KCNJ12: variants seen among roughly 807,000 people sequenced by gnomAD.
KCNJ12 encodes the protein ATP-sensitive inward rectifier potassium channel 12.
In KCNJ12, 2 loss-of-function variants were observed where a neutral mutation model predicts 22.3. The ratio of observed to expected loss-of-function variants is 0.09; its 90% CI spans 0.04 to 0.28. KCNJ12 has a LOEUF of 0.28. KCNJ12 is among the 10% of genes least tolerant of loss of function. KCNJ12 has a pLI of 1.00. For missense variants in KCNJ12, 155 were observed against 633.3 expected (o/e 0.24, Z 8.11); for synonymous variants, 117 against 261.4 (o/e 0.45, Z 5.33).
At chr17:21,381,490 G>A (rs77190851) in intron 1 of KCNJ12, among the ~76,000 whole-genome samples, 3,419 of 151,898 alleles carry the variant, frequency 0.023, 73 homozygotes, top group South Asian at 0.076. Context: ...CCGGGGCCAC[G>A]CTCCTGCTTG....
chr17:21,386,535 G>T (rs1905076112), intron 1 of KCNJ12, among the ~76,000 whole-genome samples: 1 of 151,932 alleles, frequency 6.6e-6, no homozygotes. Flanking sequence ...TTGATATGGA[G>T]TCTCGCTCTG....
intron 1 of KCNJ12, among the ~76,000 whole-genome samples, chr17:21,396,031 G>T (rs1459570580): frequency 2.0e-5 from 3 of 152,190 alleles, no homozygotes; most frequent in African/African-American, 7.2e-5. Flanking sequence ...TTCTCGGCTG[G>T]GCCACAGCCC....
chr17:21,392,697 T>C (rs1019831648), intron 1 of KCNJ12, among the ~76,000 whole-genome samples: 3 of 152,178 alleles, frequency 2.0e-5, no homozygotes, highest in African/African-American at 7.2e-5. Flanking sequence ...ACTGGCTGTG[T>C]AGATGGGTTG....
intron 1 of KCNJ12, among the ~76,000 whole-genome samples, chr17:21,382,738 C>T (rs562666092): frequency 2.6e-5 from 4 of 152,130 alleles, no homozygotes; most frequent in Non-Finnish European, 4.4e-5. Context: ...TGGGCCTCAG[C>T]CAGGTGTGCC....
Position 21,416,645 on chromosome 17 carries a change from G to T in KCNJ12, c.*1G>T, listed in dbSNP as rs782296754. Reference sequence around the variant, plus strand: ...CTACAGACGGGAGTCAGAGATCTGAGCCAACCTTGGCCGACATGCAGCATC... The same window carrying T: ...CTACAGACGGGAGTCAGAGATCTGATCCAACCTTGGCCGACATGCAGCATC... On this transcript the variant is annotated 3_prime_UTR_variant, in exon 3 of 3. Transcript: ENST00000583088. The T allele has an allele frequency of 3.8e-6, 6 of 1,598,048 alleles. No individual in the cohort carries two copies. In the South Asian group the frequency reaches 6.8e-5, roughly 18 times the overall value.
At chr17:21,389,106 G>A (rs1459270837) in intron 1 of KCNJ12, among the ~76,000 whole-genome samples, 2 of 152,214 alleles carry the variant, frequency 1.3e-5, no homozygotes, top group Non-Finnish European at 2.9e-5. Context: ...CAGTTGTGCG[G>A]GGAGCTTGCC....
intron 1 of KCNJ12, among the ~76,000 whole-genome samples, chr17:21,381,461 C>T (rs563551324): frequency 1.3e-5 from 2 of 152,170 alleles, no homozygotes; most frequent in Admixed American, 6.5e-5. Context: ...GCCTCACTTC[C>T]AGGACTCTTG....
intron 2 of KCNJ12, among the ~76,000 whole-genome samples, chr17:21,414,222 C>G (rs1255366856): frequency 5.3e-5 from 8 of 152,274 alleles, no homozygotes; most frequent in Non-Finnish European, 1.0e-4. Context: ...CGCCTGTAAT[C>G]CCAGCACTTC....
intron 2 of KCNJ12, among the ~76,000 whole-genome samples, chr17:21,414,030 A>T (rs1299581777): frequency 1.3e-5 from 2 of 152,308 alleles, no homozygotes; most frequent in African/African-American, 2.4e-5. Flanking sequence ...CCTCTTTGGC[A>T]CTGCTGGTGA....
intron 2 of KCNJ12, among the ~76,000 whole-genome samples, chr17:21,409,198 G>C (rs1250912904): frequency 6.6e-6 from 1 of 152,306 alleles, no homozygotes; most frequent in African/African-American, 2.4e-5. Context: ...GGCCTGAACG[G>C]GAAAAGCCCA....
intron 1 of KCNJ12, among the ~76,000 whole-genome samples, chr17:21,395,789 C>T (rs1354201440): frequency 6.6e-6 from 1 of 152,142 alleles, no homozygotes; most frequent in Non-Finnish European, 1.5e-5. Context: ...CAAGGTCTTA[C>T]CACGACTGAG....
chr17:21,410,362 T>C (rs1172117052), intron 2 of KCNJ12, among the ~76,000 whole-genome samples: 1 of 152,248 alleles, frequency 6.6e-6, no homozygotes, highest in African/African-American at 2.4e-5. Flanking sequence ...TGATGAATGG[T>C]GCCTGGATTA....
chr17:21,383,238 C>T (rs533068533), intron 1 of KCNJ12, among the ~76,000 whole-genome samples: 11 of 152,208 alleles, frequency 7.2e-5, no homozygotes, highest in African/African-American at 9.6e-5. Context: ...CCCGAGCTGG[C>T]GGCTCCAGGC....
Position 21,415,283 on chromosome 17 carries a change from G to C in KCNJ12, c.-56-4G>C, listed in dbSNP as rs58780973. The C allele has an allele frequency of 2.6e-6, 4 of 1,567,514 alleles. No homozygotes were observed. Among genetic ancestry groups the C allele is most frequent in the East Asian group, 2.3e-5 (1 of 42,562 alleles). On this transcript the variant is annotated splice_polypyrimidine_tract_variant and splice_region_variant and intron_variant, in intron 2 of 2. Coordinates refer to ENST00000583088, the MANE Select transcript of KCNJ12 (RefSeq NM_021012.5). Reference sequence around the variant, plus strand: ...AGCCAGACATGCTGTCGTCTCTGTTGCAGGAGCCGCCCTGCCTGGAGCTAG... The same window carrying C: ...AGCCAGACATGCTGTCGTCTCTGTTCCAGGAGCCGCCCTGCCTGGAGCTAG...
chr17:21,399,462 A>G (rs1555560243), intron 1 of KCNJ12, among the ~76,000 whole-genome samples: 1 of 152,164 alleles, frequency 6.6e-6, no homozygotes, highest in Non-Finnish European at 1.5e-5. Context: ...CTCTGGGACA[A>G]ATGTCCTGCT....
chr17:21,376,873 T>G lies in KCNJ12; in HGVS notation c.-219T>G, dbSNP rs9902386. 113,161 of 151,158 alleles carry G rather than the reference T, an allele frequency of 0.75. 43,508 individuals carry two copies. The highest frequency in any genetic ancestry group is 0.94 in the African/African-American group (39,011 of 41,418). 9.4% of individuals were successfully genotyped at this position (151,158 alleles called of 1,614,324 possible). On this transcript the variant is annotated 5_prime_UTR_variant, in exon 1 of 3. Transcript: ENST00000583088. The surrounding 1 kb of genome is among the most constrained non-coding windows in gnomAD (Gnocchi z 5.3). ...GGGCCAGGAACGGCCGCCCGGAGCT[T>G]GGAGGACGCCGAGCGCGCCGCGCCC...
intron 1 of KCNJ12, among the ~76,000 whole-genome samples, chr17:21,379,895 C>T (rs1272557426): frequency 1.3e-5 from 2 of 152,146 alleles, no homozygotes; most frequent in African/African-American, 4.8e-5. Flanking sequence ...AGCCCTGGGT[C>T]AGCTGACTTA....
intron 1 of KCNJ12, among the ~76,000 whole-genome samples, chr17:21,392,251 CTG>C (rs1463039944): frequency 6.6e-6 from 1 of 152,224 alleles, no homozygotes; most frequent in Non-Finnish European, 1.5e-5. Context: ...ACCGGAGGTG[CTG>C]TGTGAAGGGC....
At chr17:21,391,517 G>T (rs1252129448) in intron 1 of KCNJ12, among the ~76,000 whole-genome samples, 2 of 152,184 alleles carry the variant, frequency 1.3e-5, no homozygotes, top group African/African-American at 4.8e-5. Flanking sequence ...TTTAGGACAG[G>T]GTTACCAGTC....
Sources: gnomAD v4.1 joint callset for allele counts (sites outside exome capture counted in the v4.1 genomes callset) on GRCh38, gnomAD v4.1.1 for gene constraint, Gnocchi (gnomAD v3.1) non-coding constraint, MANE v1.5 for transcripts, NCBI Gene and HGNC (gene_info 2026-07-23, HGNC 2026-07-21) for gene names.